The following PRKAR2A variants were observed in gnomAD, a reference collection of about 807,000 sequenced individuals.
PRKAR2A encodes the protein cAMP-dependent protein kinase type II-alpha regulatory subunit.
PRKAR2A carries 29 observed loss-of-function variants against 51.9 expected under a neutral mutation model. The observed-to-expected ratio is 0.56, with a 90% CI of 0.42 to 0.76. PRKAR2A has a LOEUF of 0.76. PRKAR2A is among the 30% of genes least tolerant of loss of function. The pLI is 0.00. For synonymous variants in PRKAR2A, 178 were observed against 186.2 expected (o/e 0.96, Z 0.36); for missense variants, 445 against 512.1 (o/e 0.87, Z 1.26).
At chr3:48,833,942 C>G (rs1439011978) in intron 1 of PRKAR2A, among the ~76,000 whole-genome samples, 2 of 149,376 alleles carry the variant, frequency 1.3e-5, no homozygotes, top group Non-Finnish European at 3.0e-5. Context: ...GAGGCTGAGA[C>G]AGCAGAATCG....
intron 2 of PRKAR2A, among the ~76,000 whole-genome samples, chr3:48,803,660 A>G (rs975891266): frequency 4.6e-5 from 7 of 152,242 alleles, no homozygotes; most frequent in Admixed American, 3.3e-4. Context: ...TCCTGGCCTC[A>G]GGTGATCCAC....
intron 1 of PRKAR2A, among the ~76,000 whole-genome samples, chr3:48,831,301 T>C (rs1440972539): frequency 6.6e-6 from 1 of 151,920 alleles, no homozygotes; most frequent in East Asian, 1.9e-4. Context: ...CATTATGCAG[T>C]GCAAGACTGT....
intron 1 of PRKAR2A, among the ~76,000 whole-genome samples, chr3:48,829,640 A>AAATGTGTGTGTATACGTGTGTATACACAC (rs2083141723): frequency 1.5e-5 from 2 of 137,170 alleles, no homozygotes; most frequent in African/African-American, 2.8e-5. Context: ...ACACACACAT[A>AAATGTGTGTGTATACGTGTGTATACACAC]AATGTGTGTG....
chr3:48,756,853 T>A (rs146612307), intron 8 of PRKAR2A, among the ~76,000 whole-genome samples: 1 of 152,308 alleles, frequency 6.6e-6, no homozygotes, highest in East Asian at 1.9e-4. Context: ...TTTCACAAAC[T>A]TCATGCCCTT....
chr3:48,765,493 T>C (rs2081927851), intron 6 of PRKAR2A, 144 bp from the exon 7 acceptor site: 3 of 643,216 alleles, frequency 4.7e-6, no homozygotes, highest in Non-Finnish European at 7.8e-6. Context: ...TCTTGAGTCA[T>C]CACTGGAAGT....
intron 9 of PRKAR2A, among the ~76,000 whole-genome samples, chr3:48,754,575 C>G (rs1490661336): frequency 1.3e-5 from 2 of 151,954 alleles, no homozygotes; most frequent in Non-Finnish European, 2.9e-5. Flanking sequence ...GAGTTCCAGA[C>G]CAGCCTGGCC....
At chr3:48,780,932 G>A (rs563860800) in intron 5 of PRKAR2A, among the ~76,000 whole-genome samples, 2 of 152,188 alleles carry the variant, frequency 1.3e-5, no homozygotes, top group East Asian at 3.9e-4. Context: ...GGGGTATTCA[G>A]AGATAAAGGG....
At chr3:48,764,211 A>G (rs2081904508) in intron 8 of PRKAR2A, among the ~76,000 whole-genome samples, 1 of 152,240 alleles carries the variant, frequency 6.6e-6, no homozygotes, top group Non-Finnish European at 1.5e-5. Context: ...TTTAATTAAA[A>G]ATACAAACAC....
chr3:48,804,469 A>G (rs1357140896), intron 2 of PRKAR2A, among the ~76,000 whole-genome samples: 1 of 152,190 alleles, frequency 6.6e-6, no homozygotes, highest in Non-Finnish European at 1.5e-5. Context: ...CAAAAAAAAA[A>G]ATTAAAAATT....
chr3:48,834,926 T>A (rs2083255898), intron 1 of PRKAR2A, among the ~76,000 whole-genome samples: 1 of 149,368 alleles, frequency 6.7e-6, no homozygotes, highest in Non-Finnish European at 1.5e-5. Context: ...CCACAGTAAC[T>A]CACAAATTCC....
At chr3:48,798,145 G>A (rs1289341279) in intron 2 of PRKAR2A, among the ~76,000 whole-genome samples, 1 of 152,118 alleles carries the variant, frequency 6.6e-6, no homozygotes, top group Non-Finnish European at 1.5e-5. Flanking sequence ...TAGGGATGGA[G>A]TTTCGCCATA....
chr3:48,787,321 G>C (rs1406812135), intron 4 of PRKAR2A, among the ~76,000 whole-genome samples: 1 of 152,044 alleles, frequency 6.6e-6, no homozygotes, highest in East Asian at 1.9e-4. Context: ...AAGTAGCTGG[G>C]ATTATAGGCA....
At chr3:48,805,920 G>C (rs908143942) in intron 2 of PRKAR2A, among the ~76,000 whole-genome samples, 1 of 152,168 alleles carries the variant, frequency 6.6e-6, no homozygotes, top group Non-Finnish European at 1.5e-5. Context: ...ATGGCAGAGG[G>C]CCAAACAAAC....
intron 8 of PRKAR2A, among the ~76,000 whole-genome samples, chr3:48,757,615 T>TA (rs1328867584): frequency 6.6e-6 from 1 of 151,672 alleles, no homozygotes; most frequent in Admixed American, 6.6e-5. Context: ...AAGGAAGGAG[T>TA]GTACGTGTGT....
rs529464444 is a variant in PRKAR2A, at chr3:48,751,156, C to T, written c.*429G>A. 2.8e-6 allele frequency: 1 copy of T among 360,008 alleles called. No homozygotes were observed. The highest frequency in any genetic ancestry group is 2.1e-5 in the African/African-American group (1 of 46,990). 22.3% of individuals were successfully genotyped at this position (360,008 alleles called of 1,614,324 possible). Reference sequence around the variant, plus strand: ...ATGAGGAGACTGAAGGCTACATTTCCTCCTTTGAGAACCATTAGAGAGTGT... The same window carrying T: ...ATGAGGAGACTGAAGGCTACATTTCTTCCTTTGAGAACCATTAGAGAGTGT... On this transcript the variant is annotated 3_prime_UTR_variant, in exon 11 of 11. Transcript: ENST00000265563.
chr3:48,784,097 T>TA (rs1323073747), intron 4 of PRKAR2A, among the ~76,000 whole-genome samples: 1 of 152,264 alleles, frequency 6.6e-6, no homozygotes, highest in South Asian at 2.1e-4. Context: ...ACTATGTCAA[T>TA]AAGTATAATG....
At chr3:48,790,982 A>T (rs979816843) in intron 3 of PRKAR2A, among the ~76,000 whole-genome samples, 1 of 152,106 alleles carries the variant, frequency 6.6e-6, no homozygotes, top group Non-Finnish European at 1.5e-5. Context: ...TAATCTGACC[A>T]GAAATAATAG....
intron 8 of PRKAR2A, among the ~76,000 whole-genome samples, chr3:48,759,020 A>C (rs1176212943): frequency 6.6e-6 from 1 of 152,192 alleles, no homozygotes; most frequent in Non-Finnish European, 1.5e-5. Context: ...TGGTCCATTA[A>C]ATTTTACTGA....
At chr3:48,799,351 T>A (rs964187058) in intron 2 of PRKAR2A, among the ~76,000 whole-genome samples, 5 of 152,152 alleles carry the variant, frequency 3.3e-5, no homozygotes, top group Non-Finnish European at 7.3e-5. Context: ...AGGACATCAG[T>A]CCTATTAGAT....
Sources: allele counts gnomAD v4.1 joint callset (sites outside exome capture counted in the v4.1 genomes callset), GRCh38; gene constraint gnomAD v4.1.1; transcripts MANE v1.5; gene names NCBI Gene and HGNC (gene_info 2026-07-23, HGNC 2026-07-21).